Variants in ELAVL4 observed in about 807,000 individuals in gnomAD.
ELAVL4 encodes the protein ELAV-like protein 4.
A neutral mutation model predicts 35.6 loss-of-function variants in ELAVL4; 1 was observed. The observed-to-expected ratio is 0.03, with a 90% confidence interval of 0.01 to 0.13. ELAVL4 has a LOEUF of 0.13. Ranked by LOEUF, ELAVL4 falls within the 10% of genes least tolerant of loss-of-function variation. ELAVL4 has a pLI of 1.00. For missense variants in ELAVL4, 267 were observed against 464.9 expected (o/e 0.57, Z 3.91); for synonymous variants, 156 against 171.0 (o/e 0.91, Z 0.69).
intron 1 of ELAVL4, among the ~76,000 whole-genome samples, chr1:50,071,424 C>T (rs1279406243): frequency 2.0e-5 from 3 of 152,038 alleles, no homozygotes; most frequent in Non-Finnish European, 2.9e-5. Context: ...TTTCTTGAGT[C>T]GTGCATCTTT....
intron 1 of ELAVL4, among the ~76,000 whole-genome samples, chr1:50,063,456 C>T (rs190761118): frequency 1.3e-5 from 2 of 152,282 alleles, no homozygotes; most frequent in African/African-American, 4.8e-5. Context: ...GAAACACGTA[C>T]ATGTTATATT....
intron 6 of ELAVL4, among the ~76,000 whole-genome samples, chr1:50,199,131 AAAC>A (rs1298449258): frequency 6.6e-6 from 1 of 152,246 alleles, no homozygotes; most frequent in East Asian, 1.9e-4. Context: ...AATTGTTTTT[AAAC>A]AAGAGGGAAG....
upstream of ELAVL4, among the ~76,000 whole-genome samples, chr1:50,104,976 A>G (rs1433437200): frequency 6.6e-6 from 1 of 152,216 alleles, no homozygotes; most frequent in Non-Finnish European, 1.5e-5. Context: ...GATCTTCGGG[A>G]AAAAGAACAG....
At chr1:50,055,265 A>ATTTGTTTTGTTTTTTT (rs547009161) in intron 1 of ELAVL4, among the ~76,000 whole-genome samples, 1 of 151,556 alleles carries the variant, frequency 6.6e-6, no homozygotes, top group African/African-American at 2.4e-5. Flanking sequence ...AGCATGATCA[A>ATTTGTTTTGTTTTTTT]TTTGTTTTGT....
chr1:50,129,827 A>G (rs1423312187), intron 1 of ELAVL4, among the ~76,000 whole-genome samples: 1 of 152,178 alleles, frequency 6.6e-6, no homozygotes, highest in Non-Finnish European at 1.5e-5. Context: ...TAATGGGCAC[A>G]TATTTCAGAA....
chr1:50,192,615 A>G (rs1682844957), intron 3 of ELAVL4, among the ~76,000 whole-genome samples: 1 of 151,626 alleles, frequency 6.6e-6, no homozygotes. Flanking sequence ...TATGGATTAA[A>G]TAGAACTTCC....
At chr1:50,099,862 G>T (rs1250491930), upstream of ELAVL4, among the ~76,000 whole-genome samples, 1 of 152,114 alleles carries the variant, frequency 6.6e-6, no homozygotes, top group Non-Finnish European at 1.5e-5. Flanking sequence ...TAGGACCAAG[G>T]TTCTGTTATC....
At chr1:50,125,022 G>A (rs1404689508) in intron 1 of ELAVL4, among the ~76,000 whole-genome samples, 1 of 152,038 alleles carries the variant, frequency 6.6e-6, no homozygotes, top group Non-Finnish European at 1.5e-5. Flanking sequence ...ACTAAGACAA[G>A]TCCTTGCCTT....
At chr1:50,109,623 A>T (rs1264098539) in intron 1 of ELAVL4, 1 of 420,068 alleles carries the variant, frequency 2.4e-6, no homozygotes, top group East Asian at 4.2e-5. Context: ...CGTGCTGGAA[A>T]TTTAAACCTC....
At chr1:50,184,364 G>A (rs921340406) in intron 3 of ELAVL4, among the ~76,000 whole-genome samples, 3 of 145,584 alleles carry the variant, frequency 2.1e-5, no homozygotes, top group African/African-American at 5.1e-5. Flanking sequence ...GTCTTCAAGT[G>A]TAAAAGAAGC....
intron 2 of ELAVL4, among the ~76,000 whole-genome samples, chr1:50,173,269 C>T (rs1372438661): frequency 6.6e-6 from 1 of 152,094 alleles, no homozygotes; most frequent in Non-Finnish European, 1.5e-5. Context: ...TAGGAGGAGA[C>T]ATTGTGTATT....
intron 1 of ELAVL4, among the ~76,000 whole-genome samples, chr1:50,063,024 C>T (rs1031989046): frequency 2.0e-5 from 3 of 152,132 alleles, no homozygotes; most frequent in Non-Finnish European, 4.4e-5. Flanking sequence ...AGGTTTCATT[C>T]TGGTAGGATA....
intron 1 of ELAVL4, among the ~76,000 whole-genome samples, chr1:50,087,260 A>G (rs1307318256): frequency 1.3e-5 from 2 of 152,228 alleles, no homozygotes; most frequent in Non-Finnish European, 2.9e-5. Context: ...TTAAACCAAT[A>G]TAATGAGGAA....
chr1:50,077,158 T>C (rs1269732099), intron 1 of ELAVL4, among the ~76,000 whole-genome samples: 1 of 152,126 alleles, frequency 6.6e-6, no homozygotes, highest in Non-Finnish European at 1.5e-5. Flanking sequence ...CCATGTTAGA[T>C]ACATGTATAT....
At chr1:50,133,651 GAGAA>G (rs1199135172) in intron 1 of ELAVL4, among the ~76,000 whole-genome samples, 139 of 91,942 alleles carry the variant, frequency 1.5e-3, no homozygotes, top group African/African-American at 3.8e-3. Context: ...AAGAAAGAAA[GAGAA>G]AGAAAGAAAG....
intron 1 of ELAVL4, among the ~76,000 whole-genome samples, chr1:50,059,523 T>TA (rs974650608): frequency 2.0e-5 from 3 of 150,730 alleles, no homozygotes; most frequent in Admixed American, 6.6e-5. Context: ...GGCTATGATT[T>TA]AAAAAAAAAG....
chr1:50,188,073 C>A (rs1682101870), intron 3 of ELAVL4, among the ~76,000 whole-genome samples: 1 of 151,840 alleles, frequency 6.6e-6, no homozygotes, highest in Admixed American at 6.6e-5. Context: ...CCAGCCTGGG[C>A]AACAGAGTAA....
At chr1:50,103,998 C>T, upstream of ELAVL4, 1 of 1,614,010 alleles carries the variant, frequency 6.2e-7, no homozygotes, top group Non-Finnish European at 8.5e-7. Flanking sequence ...TCATATGGAA[C>T]AGGTCTGTTT....
intron 1 of ELAVL4, among the ~76,000 whole-genome samples, chr1:50,064,166 G>A (rs1266382835): frequency 6.6e-6 from 1 of 152,170 alleles, no homozygotes; most frequent in African/African-American, 2.4e-5. Flanking sequence ...AAGGGCATAG[G>A]TGGCAAGAGG....
Sources: allele counts gnomAD v4.1 joint callset (sites outside exome capture counted in the v4.1 genomes callset), GRCh38; gene constraint gnomAD v4.1.1; transcripts MANE v1.5; gene names NCBI Gene and HGNC (gene_info 2026-07-23, HGNC 2026-07-21).